STARD13: variants seen among roughly 807,000 people sequenced by gnomAD.
The protein encoded by STARD13 is stAR-related lipid transfer protein 13.
Under a neutral mutation model 106.4 loss-of-function variants are expected in STARD13, and 62 were observed. The observed-to-expected ratio is 0.58, with a 90% CI of 0.48 to 0.72. The LOEUF is 0.72. Among genes scored for constraint, STARD13 ranks in the 30% least tolerant of loss-of-function variants. The pLI, the probability that STARD13 is intolerant of heterozygous loss-of-function variation, is 0.00. For synonymous variants in STARD13, 565 were observed against 553.0 expected (o/e 1.02, Z -0.31); for missense variants, 1,387 against 1,424.0 (o/e 0.97, Z 0.42).
chr13:33,112,880 A>T lies in STARD13; in HGVS notation c.2333T>A (p.Leu778Gln). The part of the protein sequence containing the change: ...LQAVQAAILL[L>Q]ADENREVLQT... ...CAGGACCTCCCTGTTCTCATCGGCCAGTAGCAGGATGGCAGCCTGCACGGC... is the reference window on the plus strand; with the variant it reads ...CAGGACCTCCCTGTTCTCATCGGCCTGTAGCAGGATGGCAGCCTGCACGGC... The change falls in exon 9 of 14, where the codon CTG (leucine) becomes CAG (glutamine). Residue 778 changes from leucine (L) to glutamine (Q), a missense_variant. Leu to Gln is a moderately radical substitution (Grantham distance 113, BLOSUM62 -2). Transcript: ENST00000336934. 2.5e-6 allele frequency: 4 copies of T among 1,613,800 alleles called. No individual in the cohort carries two copies. Among genetic ancestry groups the T allele is most frequent in the Non-Finnish European group, 3.4e-6 (4 of 1,179,826 alleles).
At chr13:33,486,959 A>G in the STARD13 span, among the ~76,000 whole-genome samples, 1 of 152,212 alleles carries the variant, frequency 6.6e-6, no homozygotes, top group African/African-American at 2.4e-5. Flanking sequence ...CAAGTTACTC[A>G]AGCCAAATCA....
intron 1 of STARD13, among the ~76,000 whole-genome samples, chr13:33,298,431 C>T (rs114790187): frequency 1.3e-5 from 2 of 151,606 alleles, no homozygotes; most frequent in African/African-American, 4.8e-5. Flanking sequence ...GCCACTGTGC[C>T]CAATCCCCAT....
chr13:33,298,826 G>C (rs1421845538), intron 1 of STARD13, among the ~76,000 whole-genome samples: 1 of 152,128 alleles, frequency 6.6e-6, no homozygotes, highest in Admixed American at 6.5e-5. Flanking sequence ...GGCATGGCAA[G>C]AGCTGTCCAC....
At chr13:33,389,205 G>A in the STARD13 span, among the ~76,000 whole-genome samples, 1 of 152,018 alleles carries the variant, frequency 6.6e-6, no homozygotes. Flanking sequence ...TGATCTGCCT[G>A]CCTTGGCCTC....
chr13:33,358,353 C>G, the STARD13 span, among the ~76,000 whole-genome samples: 2 of 152,222 alleles, frequency 1.3e-5, no homozygotes, highest in East Asian at 3.9e-4. Context: ...CACCCAAGGG[C>G]TGAGGAATGT....
chr13:33,597,346 A>G, the STARD13 span, among the ~76,000 whole-genome samples: 35 of 150,692 alleles, frequency 2.3e-4, 1 homozygote, highest in African/African-American at 8.0e-4. Flanking sequence ...AGAAATGTCT[A>G]TTCAAATCCT....
intron 1 of STARD13, among the ~76,000 whole-genome samples, chr13:33,240,205 T>C (rs1175979463): frequency 1.3e-5 from 2 of 152,216 alleles, no homozygotes; most frequent in Non-Finnish European, 2.9e-5. Context: ...TACACGAGGA[T>C]TTGTTCCTTG....
At chr13:33,499,095 G>A in the STARD13 span, among the ~76,000 whole-genome samples, 83 of 152,270 alleles carry the variant, frequency 5.5e-4, 1 homozygote, top group Middle Eastern at 3.4e-3. Flanking sequence ...CCAAGATCAC[G>A]CCATTGCACT....
At chr13:33,507,949 G>T in the STARD13 span, among the ~76,000 whole-genome samples, 4 of 152,138 alleles carry the variant, frequency 2.6e-5, no homozygotes, top group African/African-American at 9.7e-5. Context: ...CGTCTCAGGG[G>T]TGGCAGAGGT....
intron 1 of STARD13, among the ~76,000 whole-genome samples, chr13:33,341,166 A>G (rs1203301218): frequency 6.6e-6 from 1 of 152,234 alleles, no homozygotes; most frequent in Non-Finnish European, 1.5e-5. Flanking sequence ...ACTGTTGGAT[A>G]AACCCCTAGG....
At chr13:33,553,432 G>A in the STARD13 span, among the ~76,000 whole-genome samples, 2 of 151,972 alleles carry the variant, frequency 1.3e-5, no homozygotes, top group African/African-American at 4.8e-5. Context: ...TATATAAATA[G>A]TGTGAATATA....
chr13:33,560,521 A>C, the STARD13 span, among the ~76,000 whole-genome samples: 1 of 151,392 alleles, frequency 6.6e-6, no homozygotes, highest in African/African-American at 2.5e-5. Flanking sequence ...CAGTATACAT[A>C]ATCAGTCTTA....
the STARD13 span, among the ~76,000 whole-genome samples, chr13:33,651,323 C>T: frequency 1.3e-5 from 2 of 152,164 alleles, no homozygotes; most frequent in African/African-American, 4.8e-5. Context: ...GTACGCACTA[C>T]AGGAGTTGTA....
the STARD13 span, among the ~76,000 whole-genome samples, chr13:33,465,260 C>T: frequency 3.9e-4 from 54 of 139,894 alleles, no homozygotes; most frequent in African/African-American, 1.4e-3. Context: ...GCCTGGAGTG[C>T]AGTGGCGCGA....
the STARD13 span, among the ~76,000 whole-genome samples, chr13:33,396,113 G>A: frequency 2.8e-4 from 43 of 152,220 alleles, 1 homozygote; most frequent in South Asian, 7.5e-3. Context: ...TCAGCCTCCT[G>A]AGTAGCTGGG....
Position 33,285,586 on chromosome 13 carries a change from G to C in STARD13, c.53C>G (p.Ser18Cys), listed in dbSNP as rs769556235. Residue 18 changes from serine to cysteine, a missense_variant, in exon 1 of 14, where the codon TCC becomes TGC. Transcript: ENST00000336934. ...TPASGCYYLN[S>C]MTPEGQEMYL... ...CATCTCCTGGCCCTCAGGTGTCATGGAATTTAGGTAGTAGCAGCCTGAGGC... is the reference window on the plus strand; with the variant it reads ...CATCTCCTGGCCCTCAGGTGTCATGCAATTTAGGTAGTAGCAGCCTGAGGC... 6.2e-7 allele frequency: 1 copy of C among 1,613,966 alleles called. No homozygotes were observed. Among genetic ancestry groups the C allele is most frequent in the East Asian group, 2.2e-5 (1 of 44,868 alleles).
the STARD13 span, among the ~76,000 whole-genome samples, chr13:33,647,430 GAC>G: frequency 6.6e-6 from 1 of 152,150 alleles, no homozygotes; most frequent in East Asian, 1.9e-4. Context: ...TGTCCTGGAT[GAC>G]TGTCTAGTAG....
the STARD13 span, among the ~76,000 whole-genome samples, chr13:33,461,578 G>C: frequency 6.6e-6 from 1 of 152,116 alleles, no homozygotes; most frequent in Non-Finnish European, 1.5e-5. Flanking sequence ...AGGTATTTTT[G>C]CCTGCTAGGA....
intron 1 of STARD13, among the ~76,000 whole-genome samples, chr13:33,175,807 A>C (rs529919974): frequency 6.6e-6 from 1 of 152,338 alleles, no homozygotes; most frequent in South Asian, 2.1e-4. Flanking sequence ...TGTTAAAAAA[A>C]TGCGTGTTTT....
Sources: allele counts gnomAD v4.1 joint callset (sites outside exome capture counted in the v4.1 genomes callset), GRCh38; gene constraint gnomAD v4.1.1; transcripts MANE v1.5; gene names NCBI Gene and HGNC (gene_info 2026-07-23, HGNC 2026-07-21).